SERTAD2: variants seen among roughly 807,000 people sequenced by gnomAD.
SERTAD2 encodes the protein SERTA domain containing 2.
SERTAD2 carries 2 observed loss-of-function variants against 15.4 expected under a neutral mutation model. That is an observed-to-expected ratio of 0.13 (90% CI 0.05 to 0.41). The LOEUF is 0.41. Among genes scored for constraint, SERTAD2 ranks in the 10% least tolerant of loss-of-function variants. SERTAD2 has a pLI of 0.99. For synonymous variants in SERTAD2, 180 were observed against 178.0 expected (o/e 1.01, Z -0.09); for missense variants, 333 against 409.7 (o/e 0.81, Z 1.62).
chr2:64,636,199 G>A lies in SERTAD2; in HGVS notation c.673C>T (p.Leu225=), dbSNP rs1270248274. 1.2e-6 allele frequency: 2 copies of A among 1,614,200 alleles called. No individual in the cohort carries two copies. The highest frequency in any genetic ancestry group is 1.7e-5 in the Admixed American group (1 of 60,022). The part of the protein sequence containing the change: ...RADDSKLMDS[L]PGNFEITTST... ...GTCGTTATTTCAAAATTCCCAGGCA[G>A]AGAGTCCATCAGTTTTGAGTCATCT... The change falls in exon 2 of 2, where the codon CTG becomes TTG. Residue 225 remains leucine, a synonymous_variant. Coordinates refer to ENST00000313349, the MANE Select transcript of SERTAD2 (RefSeq NM_014755.3).
intron 1 of SERTAD2, chr2:64,646,787 C>T (rs62137279): frequency 2.6e-5 from 4 of 152,168 alleles, no homozygotes; most frequent in Non-Finnish European, 5.9e-5. Context: ...GTTAAAATCC[C>T]TGGAGGATTC....
intron 1 of SERTAD2, among the ~76,000 whole-genome samples, chr2:64,640,841 G>T (rs569407916): frequency 1.3e-5 from 2 of 152,160 alleles, no homozygotes; most frequent in Admixed American, 6.5e-5. Context: ...AGACTCCCAC[G>T]TGGAGGAATC....
At chr2:64,639,729 G>A (rs1674730178) in intron 1 of SERTAD2, among the ~76,000 whole-genome samples, 1 of 152,158 alleles carries the variant, frequency 6.6e-6, no homozygotes, top group African/African-American at 2.4e-5. Flanking sequence ...AAGTATACAG[G>A]CCATGCAAAA....
Position 64,635,565 on chromosome 2 carries a change from A to G in SERTAD2, c.*362T>C, listed in dbSNP as rs1357573046. On this transcript the variant is annotated 3_prime_UTR_variant, in exon 2 of 2. Coordinates refer to ENST00000313349, the MANE Select transcript of SERTAD2 (RefSeq NM_014755.3). ...TTTCTTCTTTACCTCTTGCAATAAA[A>G]CTTATAGAAAAAATAGACAAATATG... 3 of 180,798 alleles carry G rather than the reference A, an allele frequency of 1.7e-5. No individual in the cohort carries two copies. Among genetic ancestry groups the G allele is most frequent in the Admixed American group, 1.6e-4 (3 of 18,694 alleles). 11.2% of individuals were successfully genotyped at this position (180,798 alleles called of 1,614,324 possible).
intron 1 of SERTAD2, among the ~76,000 whole-genome samples, chr2:64,648,287 A>G (rs1674946313): frequency 6.6e-6 from 1 of 152,246 alleles, no homozygotes; most frequent in African/African-American, 2.4e-5. Flanking sequence ...AGGTAGGCTA[A>G]TAAGGTTTTA....
intron 1 of SERTAD2, among the ~76,000 whole-genome samples, chr2:64,648,700 C>T (rs939756116): frequency 6.6e-6 from 1 of 152,110 alleles, no homozygotes; most frequent in Non-Finnish European, 1.5e-5. Context: ...TTCATTCTAC[C>T]TGTCTTCTGG....
Position 64,634,161 on chromosome 2 carries a change from T to C in SERTAD2, c.*1766A>G, listed in dbSNP as rs1416096197. 1 of 152,018 alleles carries C rather than the reference T, an allele frequency of 6.6e-6. No homozygotes were observed. Among genetic ancestry groups the C allele is most frequent in the African/African-American group, 2.4e-5 (1 of 41,372 alleles). 9.4% of individuals were successfully genotyped at this position (152,018 alleles called of 1,614,324 possible). A position where few individuals can be genotyped will look rare whatever the true frequency, so the allele number is the denominator to read the frequency against. Reference sequence around the variant, plus strand: ...TAATTTAAAAATTTTTAAATAAATATAAAAGTTATTCCTAAAGAAGCCATC... The same window carrying C: ...TAATTTAAAAATTTTTAAATAAATACAAAAGTTATTCCTAAAGAAGCCATC... On this transcript the variant is annotated 3_prime_UTR_variant, in exon 2 of 2. Transcript: ENST00000313349.
intron 1 of SERTAD2, among the ~76,000 whole-genome samples, chr2:64,641,155 C>G (rs1674768813): frequency 6.6e-6 from 1 of 152,212 alleles, no homozygotes; most frequent in African/African-American, 2.4e-5. Context: ...TACATGAAAA[C>G]TAGTTTTCAA....
At chr2:64,641,459 C>T (rs1674776359) in intron 1 of SERTAD2, among the ~76,000 whole-genome samples, 1 of 152,168 alleles carries the variant, frequency 6.6e-6, no homozygotes, top group Admixed American at 6.5e-5. Context: ...TATCTGTTTC[C>T]CATCTCAAGA....
intron 1 of SERTAD2, among the ~76,000 whole-genome samples, chr2:64,638,103 C>A (rs1241750180): frequency 6.6e-6 from 1 of 152,210 alleles, no homozygotes; most frequent in Non-Finnish European, 1.5e-5. Context: ...CCTCACCGTC[C>A]CCGCCTCCAG....
chr2:64,649,205 A>T (rs955162408), intron 1 of SERTAD2, among the ~76,000 whole-genome samples: 7 of 152,218 alleles, frequency 4.6e-5, no homozygotes, highest in Non-Finnish European at 1.0e-4. Context: ...TCTGAGTTTA[A>T]CTTGGGCAAT....
rs780296710 is a variant in SERTAD2, at chr2:64,633,183, T to C, written c.*2744A>G. 4 of 152,244 alleles carry C rather than the reference T, an allele frequency of 2.6e-5. No homozygotes were observed. The highest frequency in any genetic ancestry group is 4.8e-5 in the African/African-American group (2 of 41,460). 9.4% of individuals were successfully genotyped at this position (152,244 alleles called of 1,614,324 possible). A position where few individuals can be genotyped will look rare whatever the true frequency, so the allele number is the denominator to read the frequency against. ...CAAAAGCAATTAGAACCCTAGATCA[T>C]TTTGATCTTTCTGAAAATGGGCTGC... On this transcript the variant is annotated 3_prime_UTR_variant, in exon 2 of 2. Transcript: ENST00000313349.
At chr2:64,640,316 A>G (rs1409118371) in intron 1 of SERTAD2, among the ~76,000 whole-genome samples, 2 of 152,020 alleles carry the variant, frequency 1.3e-5, no homozygotes, top group African/African-American at 4.8e-5. Context: ...TGTAACAACC[A>G]CCTCCTTAAG....
Position 64,633,323 on chromosome 2 carries a change from C to G in SERTAD2, c.*2604G>C, listed in dbSNP as rs1280748606. The G allele has an allele frequency of 2.0e-5, 3 of 152,008 alleles. No homozygotes were observed. Among genetic ancestry groups the G allele is most frequent in the African/African-American group, 7.3e-5 (3 of 41,370 alleles). 9.4% of individuals were successfully genotyped at this position (152,008 alleles called of 1,614,324 possible). ...GGGGTTTTTGTTTTGATTTTGAAGC[C>G]CAGCCTTACAAATACATAAGAGTCA... On this transcript the variant is annotated 3_prime_UTR_variant, in exon 2 of 2. Coordinates refer to ENST00000313349, the MANE Select transcript of SERTAD2 (RefSeq NM_014755.3).
chr2:64,638,151 C>A (rs1475664802), intron 1 of SERTAD2, among the ~76,000 whole-genome samples: 1 of 152,262 alleles, frequency 6.6e-6, no homozygotes, highest in Non-Finnish European at 1.5e-5. Context: ...ATCCTGTCCT[C>A]AGTGTGACTC....
intron 1 of SERTAD2, among the ~76,000 whole-genome samples, chr2:64,651,774 C>T (rs1017864739): frequency 2.6e-5 from 4 of 152,158 alleles, no homozygotes; most frequent in Non-Finnish European, 5.9e-5. Context: ...GTGACATTCG[C>T]CTGACAATAA....
chr2:64,650,845 G>A (rs1363540502), intron 1 of SERTAD2, among the ~76,000 whole-genome samples: 2 of 152,172 alleles, frequency 1.3e-5, no homozygotes, highest in African/African-American at 4.8e-5. Flanking sequence ...ATGAGAGCTG[G>A]TGTCACCCTT....
intron 1 of SERTAD2, among the ~76,000 whole-genome samples, chr2:64,643,565 G>A (rs1342496221): frequency 1.3e-5 from 2 of 152,232 alleles, no homozygotes; most frequent in African/African-American, 4.8e-5. Flanking sequence ...TCAAAGGGGA[G>A]CTTTAACAAG....
intron 1 of SERTAD2, among the ~76,000 whole-genome samples, chr2:64,637,089 T>C (rs556074684): frequency 2.0e-4 from 31 of 152,316 alleles, no homozygotes; most frequent in African/African-American, 7.2e-4. Context: ...TGTGGAGCAA[T>C]TTTTATCACT....
Sources: gnomAD v4.1 joint callset for allele counts (sites outside exome capture counted in the v4.1 genomes callset) on GRCh38, gnomAD v4.1.1 for gene constraint, MANE v1.5 for transcripts, NCBI Gene and HGNC (gene_info 2026-07-23, HGNC 2026-07-21) for gene names.